CARS2: variants seen among roughly 807,000 people sequenced by gnomAD.
The protein encoded by CARS2 is cysteinyl-tRNA synthetase 2, mitochondrial.
A neutral mutation model predicts 68.8 loss-of-function variants in CARS2; 52 were observed. That is an observed-to-expected ratio of 0.76 (90% CI 0.61 to 0.95). The LOEUF is 0.95. CARS2 is among the 40% of genes least tolerant of loss of function. CARS2 has a pLI of 0.00. For synonymous variants in CARS2, 314 were observed against 303.6 expected (o/e 1.03, Z -0.36); for missense variants, 780 against 754.2 (o/e 1.03, Z -0.40).
chr13:110,703,759 C>T (rs2063859204), intron 2 of CARS2, among the ~76,000 whole-genome samples: 1 of 152,270 alleles, frequency 6.6e-6, no homozygotes, highest in Admixed American at 6.5e-5. Context: ...CGCCCCGTTT[C>T]CCAGTGTCCT....
intron 7 of CARS2, among the ~76,000 whole-genome samples, chr13:110,672,211 G>A (rs111943937): frequency 1.4e-4 from 22 of 152,078 alleles, no homozygotes; most frequent in East Asian, 5.8e-4. Flanking sequence ...TGCACCAAGC[G>A]GACCTAATAG....
chr13:110,655,053 A>C (rs1203899481), intron 9 of CARS2, among the ~76,000 whole-genome samples: 4 of 152,204 alleles, frequency 2.6e-5, no homozygotes, highest in African/African-American at 7.2e-5. Context: ...GTAGGAATGT[A>C]AATCACACTC....
chr13:110,711,595 G>C (rs571493704), intron 1 of CARS2, among the ~76,000 whole-genome samples: 38 of 152,190 alleles, frequency 2.5e-4, no homozygotes, highest in Admixed American at 8.5e-4. Flanking sequence ...TTTTAACTAG[G>C]CCAAGACTAG....
chr13:110,674,640 A>G (rs2062895320), intron 7 of CARS2, among the ~76,000 whole-genome samples: 2 of 152,218 alleles, frequency 1.3e-5, no homozygotes, highest in Admixed American at 1.3e-4. Flanking sequence ...TTCAGGCCAT[A>G]GGCATGGGCA....
At chr13:110,712,139 T>C (rs375822165) in intron 1 of CARS2, 2 of 152,192 alleles carry the variant, frequency 1.3e-5, no homozygotes, top group African/African-American at 4.8e-5. Context: ...CTAAGAAAAA[T>C]GGAGAACCGC....
chr13:110,647,242 G>A lies in CARS2; in HGVS notation c.1055-3C>T, dbSNP rs1198808661. ...GGCGCTGTCACTGTAGTCGATGGCT[G>A]AGGAGGAAGAGATGGTCACTGAGGC... On this transcript the variant is annotated splice_region_variant and splice_polypyrimidine_tract_variant and intron_variant, in intron 10 of 14. Transcript: ENST00000257347. 3 of 1,611,542 alleles carry A rather than the reference G, an allele frequency of 1.9e-6. No individual in the cohort carries two copies. Among genetic ancestry groups the A allele is most frequent in the African/African-American group, 1.3e-5 (1 of 75,054 alleles).
chr13:110,679,454 C>T (rs1170895069), intron 6 of CARS2, among the ~76,000 whole-genome samples: 1 of 150,988 alleles, frequency 6.6e-6, no homozygotes, highest in Non-Finnish European at 1.5e-5. Flanking sequence ...CGCTTGAGCT[C>T]GGGAGGCGGA....
intron 10 of CARS2, 177 bp downstream of exon 10, chr13:110,650,857 C>A: frequency 1.8e-6 from 1 of 560,684 alleles, no homozygotes; most frequent in East Asian, 3.2e-5. Flanking sequence ...GGGCCCAGAC[C>A]AGCACTGGGA....
At chr13:110,694,577 C>G (rs544236538) in intron 3 of CARS2, among the ~76,000 whole-genome samples, 1 of 151,772 alleles carries the variant, frequency 6.6e-6, no homozygotes, top group Non-Finnish European at 1.5e-5. Context: ...GCGGAGGTTG[C>G]GCTGGGCTGA....
At chr13:110,655,124 G>A (rs1253099083) in intron 9 of CARS2, among the ~76,000 whole-genome samples, 1 of 152,054 alleles carries the variant, frequency 6.6e-6, no homozygotes, top group Non-Finnish European at 1.5e-5. Context: ...ATCTTCTGAT[G>A]TGCGATTCTA....
rs11370567 is a variant in CARS2, at chr13:110,668,541, CA to C, written c.786-1069del. Among the ~76,000 whole-genome samples, 18 of 143,872 alleles carry C rather than the reference CA, an allele frequency of 1.3e-4. No homozygotes were observed. The highest frequency in any genetic ancestry group is 3.5e-4 in the Admixed American group (5 of 14,448). The allele number at this position is 143,872 out of a possible 152,430, so 94.4% of individuals were successfully genotyped here. A position where few individuals can be genotyped will look rare whatever the true frequency, so the allele number is the denominator to read the frequency against. ...TGGGTGACAGAGCGAGACTCCGTCTCAAAAAAAAAAAAAGATTTTTACATCT... is the reference window on the plus strand; with the variant it reads ...TGGGTGACAGAGCGAGACTCCGTCTCAAAAAAAAAAAAGATTTTTACATCT... On this transcript the variant is annotated intron_variant, in intron 7 of 14. Coordinates refer to ENST00000257347, the MANE Select transcript of CARS2 (RefSeq NM_024537.4). This position sits in a 1 kb window ranked among gnomAD's most constrained non-coding sequence, Gnocchi z 4.1.
chr13:110,646,079 G>C lies in CARS2; in HGVS notation c.1205C>G (p.Thr402Ser). ...CAAGGCCGCCTTCACGGCCCTCTTG[G>C]TGCTGGAGAGCCTGAGGGAAGAGGA... Reference protein sequence around the residue: ...EAMLWERLSSTKRAVKAALAD... With the variant: ...EAMLWERLSSSKRAVKAALAD... The change falls in exon 12 of 15, where the codon ACC becomes AGC. Residue 402 changes from threonine to serine, a missense_variant. Physicochemically the swap from Thr to Ser is moderately conservative, Grantham distance 58. Transcript: ENST00000257347. 6.2e-7 allele frequency: 1 copy of C among 1,613,468 alleles called. No homozygotes were observed. The highest frequency in any genetic ancestry group is 8.5e-7 in the Non-Finnish European group (1 of 1,179,824).
rs756005750 is a variant in CARS2, at chr13:110,653,619, C to T, written c.988-2519G>A. On this transcript the variant is annotated intron_variant, in intron 9 of 14. Transcript: ENST00000257347. This position sits in a 1 kb window ranked among gnomAD's most constrained non-coding sequence, Gnocchi z 5.6. ...CAGAATTAGCCTCAATGTGTTTTCA[C>T]GCATCTCATAGTTCTCTGAAACCCC... Among the ~76,000 whole-genome samples, 1 of 152,212 alleles carries T rather than the reference C, an allele frequency of 6.6e-6. No individual in the cohort carries two copies. Among genetic ancestry groups the T allele is most frequent in the Non-Finnish European group, 1.5e-5 (1 of 68,038 alleles).
chr13:110,682,221 A>C (rs778150954), intron 6 of CARS2, among the ~76,000 whole-genome samples: 1 of 152,216 alleles, frequency 6.6e-6, no homozygotes, highest in Non-Finnish European at 1.5e-5. Flanking sequence ...TAAATAAATA[A>C]TTTTAAAAAA....
intron 7 of CARS2, among the ~76,000 whole-genome samples, chr13:110,669,237 G>A (rs978287696): frequency 1.3e-5 from 2 of 152,150 alleles, no homozygotes; most frequent in Non-Finnish European, 2.9e-5. Context: ...GGTCGTGGGG[G>A]ACAAGGCCTT....
chr13:110,666,883 G>A, intron 8 of CARS2: 15 of 985,408 alleles, frequency 1.5e-5, no homozygotes, highest in Non-Finnish European at 1.8e-5. Context: ...TGGGTTCGAG[G>A]TGTTGCTTAA....
Position 110,705,360 on chromosome 13 carries a change from T to C in CARS2, c.275+161A>G, listed in dbSNP as rs1166261669. On this transcript the variant is annotated intron_variant, in intron 2 of 14. Transcript: ENST00000257347. The surrounding 1 kb of genome is among the most constrained non-coding windows in gnomAD (Gnocchi z 4.0). ...AACGGGTGTAAGTGCTCAGAATCCC[T>C]ATAAGAACCAAATGAGGTTGTAACA... 6.6e-6 allele frequency among the ~76,000 whole-genome samples: 1 copy of C among 152,222 alleles called. No individual in the cohort carries two copies. Among genetic ancestry groups the C allele is most frequent in the Non-Finnish European group, 1.5e-5 (1 of 68,042 alleles).
intron 6 of CARS2, among the ~76,000 whole-genome samples, chr13:110,680,833 G>A (rs2063138283): frequency 1.3e-5 from 2 of 152,250 alleles, no homozygotes; most frequent in Admixed American, 6.5e-5. Context: ...TAAGGGACAC[G>A]TGTTTGGGCA....
intron 6 of CARS2, among the ~76,000 whole-genome samples, chr13:110,678,838 GA>G (rs1443347068): frequency 1.3e-5 from 2 of 152,176 alleles, no homozygotes; most frequent in Non-Finnish European, 2.9e-5. Context: ...GAGACGGTGG[GA>G]GGGGGGAAGA....
Sources: gnomAD v4.1 joint callset for allele counts (sites outside exome capture counted in the v4.1 genomes callset) on GRCh38, gnomAD v4.1.1 for gene constraint, Gnocchi (gnomAD v3.1) non-coding constraint, MANE v1.5 for transcripts, NCBI Gene and HGNC (gene_info 2026-07-23, HGNC 2026-07-21) for gene names.